The following DCLK2 variants were observed in gnomAD, a reference collection of about 807,000 sequenced individuals.
DCLK2 encodes serine/threonine-protein kinase DCLK2.
Under a neutral mutation model 78.4 loss-of-function variants are expected in DCLK2, and 31 were observed. The observed-to-expected ratio is 0.40, with a 90% CI of 0.30 to 0.53. The LOEUF (loss-of-function observed/expected upper bound fraction) is 0.53, where lower values mean the gene tolerates loss of function less well. DCLK2 is among the 20% of genes least tolerant of loss of function. DCLK2 has a pLI of 0.61. For synonymous variants in DCLK2, 407 were observed against 374.9 expected (o/e 1.09, Z -0.99); for missense variants, 872 against 973.7 (o/e 0.90, Z 1.39).
At chr4:150,206,613 A>T (rs1739861569) in intron 5 of DCLK2, among the ~76,000 whole-genome samples, 1 of 152,194 alleles carries the variant, frequency 6.6e-6, no homozygotes, top group Non-Finnish European at 1.5e-5. Flanking sequence ...CTAGGAATAT[A>T]GTTCTGTTAA....
intron 12 of DCLK2, among the ~76,000 whole-genome samples, chr4:150,246,376 G>T (rs945467681): frequency 6.6e-6 from 1 of 152,166 alleles, no homozygotes; most frequent in Non-Finnish European, 1.5e-5. Flanking sequence ...GGAGAGGAAT[G>T]AGGGAGCCAT....
intron 12 of DCLK2, among the ~76,000 whole-genome samples, chr4:150,240,812 C>T (rs1226741171): frequency 1.3e-5 from 2 of 150,164 alleles, no homozygotes; most frequent in Admixed American, 6.6e-5. Context: ...AAACACCTTT[C>T]GCTTTTTAAT....
At chr4:150,114,713 C>T (rs1324285073) in intron 2 of DCLK2, among the ~76,000 whole-genome samples, 1 of 152,166 alleles carries the variant, frequency 6.6e-6, no homozygotes, top group African/African-American at 2.4e-5. Context: ...AAAAATAAGA[C>T]CCCACTCCCT....
chr4:150,175,194 T>TATATATTTATATATATTTATAA (rs1736971367), intron 2 of DCLK2, among the ~76,000 whole-genome samples: 1 of 63,838 alleles, frequency 1.6e-5, no homozygotes, highest in African/African-American at 8.9e-5. Context: ...TTATAATTTA[T>TATATATTTATATATATTTATAA]CTATATATAT....
chr4:150,083,716 A>T (rs1040416136), intron 1 of DCLK2, among the ~76,000 whole-genome samples: 1 of 152,236 alleles, frequency 6.6e-6, no homozygotes, highest in African/African-American at 2.4e-5. Flanking sequence ...AAAATGATGC[A>T]CACTAAAGTC....
chr4:150,247,750 C>A (rs567996498), intron 13 of DCLK2, 51 bp downstream of exon 13: 1 of 1,463,174 alleles, frequency 6.8e-7, no homozygotes, highest in South Asian at 1.1e-5. Context: ...GGGGTCCTCA[C>A]CCATTGCACA....
chr4:150,240,160 TG>T (rs1343416315), intron 11 of DCLK2, among the ~76,000 whole-genome samples: 1 of 152,228 alleles, frequency 6.6e-6, no homozygotes, highest in Non-Finnish European at 1.5e-5. Context: ...AGCCCTGGCC[TG>T]GACTTGTGTT....
intron 2 of DCLK2, among the ~76,000 whole-genome samples, chr4:150,111,665 G>A (rs1731701903): frequency 6.6e-6 from 1 of 152,012 alleles, no homozygotes; most frequent in Admixed American, 6.6e-5. Context: ...ATATGGTAAG[G>A]GGTAGGGAAT....
At chr4:150,193,271 C>A (rs1482156845) in intron 3 of DCLK2, 31 bp downstream of exon 3, 3 of 1,440,364 alleles carry the variant, frequency 2.1e-6, no homozygotes, top group Non-Finnish European at 2.9e-6. Context: ...ATTCATTTTT[C>A]CATCTTTGTA....
chr4:150,139,000 A>G (rs1157707730), intron 2 of DCLK2, among the ~76,000 whole-genome samples: 1 of 152,068 alleles, frequency 6.6e-6, no homozygotes, highest in Non-Finnish European at 1.5e-5. Flanking sequence ...ATTTAAAAAA[A>G]AAAAAGGTTT....
At chr4:150,247,361 C>G (rs908011169) in intron 12 of DCLK2, among the ~76,000 whole-genome samples, 1 of 152,162 alleles carries the variant, frequency 6.6e-6, no homozygotes, top group Non-Finnish European at 1.5e-5. Context: ...ATTCATTAAG[C>G]AAATGTTTGA....
intron 2 of DCLK2, among the ~76,000 whole-genome samples, chr4:150,185,486 G>A (rs1304833386): frequency 1.3e-5 from 2 of 151,920 alleles, no homozygotes; most frequent in East Asian, 1.9e-4. Context: ...GGCCAATGCG[G>A]GCGGATCACC....
At chr4:150,096,158 G>A (rs1730449279) in intron 1 of DCLK2, among the ~76,000 whole-genome samples, 1 of 152,250 alleles carries the variant, frequency 6.6e-6, no homozygotes, top group Non-Finnish European at 1.5e-5. Flanking sequence ...TTGGTTTCCA[G>A]AGGGGTTTAG....
At chr4:150,106,837 A>C (rs1479354141) in intron 2 of DCLK2, among the ~76,000 whole-genome samples, 1 of 152,134 alleles carries the variant, frequency 6.6e-6, no homozygotes, top group East Asian at 1.9e-4. Context: ...ACTAGCAATG[A>C]CTCCATTTAC....
intron 2 of DCLK2, among the ~76,000 whole-genome samples, chr4:150,126,239 G>T (rs887165347): frequency 1.3e-5 from 2 of 152,168 alleles, no homozygotes; most frequent in African/African-American, 2.4e-5. Flanking sequence ...AATTCATTCA[G>T]CTATTATTTT....
At chr4:150,163,244 A>C (rs1029359963) in intron 2 of DCLK2, among the ~76,000 whole-genome samples, 2 of 152,070 alleles carry the variant, frequency 1.3e-5, no homozygotes, top group African/African-American at 4.8e-5. Context: ...CCAAAAATAC[A>C]AAAATTCACT....
At chr4:150,250,463 G>C (rs1366169179) in intron 15 of DCLK2, among the ~76,000 whole-genome samples, 1 of 152,054 alleles carries the variant, frequency 6.6e-6, no homozygotes, top group Non-Finnish European at 1.5e-5. Flanking sequence ...CCGTGAGCAG[G>C]TAGAAGCCAG....
chr4:150,250,241 A>G (rs909580061), intron 15 of DCLK2, among the ~76,000 whole-genome samples: 3 of 152,226 alleles, frequency 2.0e-5, no homozygotes, highest in Admixed American at 6.5e-5. Flanking sequence ...GTCAGTGACA[A>G]CGATGGCCTT....
intron 5 of DCLK2, among the ~76,000 whole-genome samples, chr4:150,205,971 T>G (rs1363826447): frequency 6.6e-6 from 1 of 152,190 alleles, no homozygotes; most frequent in Non-Finnish European, 1.5e-5. Context: ...CTCTGGGTCT[T>G]GGTCACTTCC....
Sources: gnomAD v4.1 joint callset for allele counts (sites outside exome capture counted in the v4.1 genomes callset) on GRCh38, gnomAD v4.1.1 for gene constraint, MANE v1.5 for transcripts, NCBI Gene and HGNC (gene_info 2026-07-23, HGNC 2026-07-21) for gene names.